The following SF3B4 variants were observed in gnomAD, a reference collection of about 807,000 sequenced individuals.
SF3B4 encodes the protein splicing factor 3b subunit 4.
In SF3B4, 3 loss-of-function variants were observed where a neutral mutation model predicts 34.3. The observed-to-expected ratio is 0.09, with a 90% CI of 0.04 to 0.23. The LOEUF (loss-of-function observed/expected upper bound fraction) is 0.23. SF3B4 is among the 10% of genes least tolerant of loss of function. The probability of loss-of-function intolerance (pLI) is 1.00; values close to 1 mark genes in which losing one functional copy is unlikely to be tolerated. For synonymous variants in SF3B4, 216 were observed against 207.8 expected, an observed-to-expected ratio of 1.04 and a Z score of -0.34; for missense variants, 283 against 567.2, an observed-to-expected ratio of 0.50 and a Z score of 5.09.
rs782636074 is a variant in SF3B4 at position 149,923,916 on chromosome 1, G to A, written c.1012C>T (p.Pro338Ser). Residue 338 changes from proline (P) to serine (S), a missense_variant, in exon 5 of 6, where the codon CCA (proline) becomes TCA (serine). Around this residue, in one of 4 missense-constraint regions of SF3B4, gnomAD observed 208 missense variants for 292.6 expected, o/e 0.71. Transcript: ENST00000271628. ...GSGGQPPPRPPPGMPHPGPPP... is the reference protein window; with the variant it reads ...GSGGQPPPRPSPGMPHPGPPP... ...GGTCCAGGATGAGGCATTCCAGGTGGTGGTCGGGGCGGTGGCTGGCCCCCA... is the reference window on the plus strand; with the variant it reads ...GGTCCAGGATGAGGCATTCCAGGTGATGGTCGGGGCGGTGGCTGGCCCCCA... 1.4e-5 allele frequency: 23 copies of A among 1,604,220 alleles called. No homozygotes were observed. In the South Asian group the frequency reaches 2.6e-4, roughly 18 times the overall value.
Position 149,926,728 on chromosome 1 carries a change from A to G in SF3B4, c.354T>C (p.Asp118=). 1 of 1,614,210 alleles carries G rather than the reference A, an allele frequency of 6.2e-7. No individual in the cohort carries two copies. Residue 118 remains aspartate, a synonymous_variant, in exon 3 of 6, where the codon GAT becomes GAC. Transcript: ENST00000271628. This position sits in a 1 kb window ranked among gnomAD's most constrained non-coding sequence, Gnocchi z 6.2. ...AGATGACCCCAAAGGCGCTGAAAGT[A>G]TCATAAAGCAACTTCTCATCAATCT... ...DPEIDEKLLY[D]TFSAFGVILQ... is the part of the protein sequence containing the mutation.
At chr1:149,924,461 G>A (rs1212576524) in intron 4 of SF3B4, among the ~76,000 whole-genome samples, 3 of 151,940 alleles carry the variant, frequency 2.0e-5, no homozygotes, top group East Asian at 3.9e-4. Context: ...AAAAAAAGAA[G>A]GGTGGTAAAA....
chr1:149,927,068 A>G (rs1372611572), intron 2 of SF3B4, 98 bp downstream of exon 2: 3 of 1,527,858 alleles, frequency 2.0e-6, no homozygotes, highest in Non-Finnish European at 2.6e-6. Flanking sequence ...AGAGAGGCTT[A>G]AAAGAAAAAA....
intron 1 of SF3B4, 69 bp from the exon 2 acceptor site, chr1:149,927,363 G>C: frequency 6.3e-7 from 1 of 1,585,682 alleles, no homozygotes; most frequent in Non-Finnish European, 8.6e-7. Context: ...ATGGAAACAT[G>C]AAGATGGAAC....
chr1:149,926,863 G>T lies in SF3B4; in HGVS notation c.219C>A (p.Ile73=), dbSNP rs782544906. The part of the protein sequence containing the change: ...SEEDADYAIK[I]MNMIKLYGKP... ...TCCCATAGAGTTTGATCATGTTCAT[G>T]ATCTTAATGGCATAGTCAGCATCTT... is the stretch of plus-strand genomic sequence containing the variant. The change falls in exon 3 of 6, where the codon ATC becomes ATA. Residue 73 remains isoleucine (I), a synonymous_variant. Transcript: ENST00000271628. This position sits in a 1 kb window ranked among gnomAD's most constrained non-coding sequence, Gnocchi z 6.2. The T allele has an allele frequency of 8.1e-6, 13 of 1,613,746 alleles. No individual in the cohort carries two copies. The highest frequency in any genetic ancestry group is 1.0e-5 in the Non-Finnish European group (12 of 1,179,974).
Position 149,926,320 on chromosome 1 carries a change from C to T in SF3B4, c.706+56G>A. 6.8e-7 allele frequency: 1 copy of T among 1,477,278 alleles called. No individual in the cohort carries two copies. Among genetic ancestry groups the T allele is most frequent in the Non-Finnish European group, 9.2e-7 (1 of 1,090,380 alleles). The allele number at this position is 1,477,278 out of a possible 1,614,324, so 91.5% of individuals were successfully genotyped here. A position where few individuals can be genotyped will look rare whatever the true frequency, so the allele number is the denominator to read the frequency against. On this transcript the variant is annotated intron_variant, in intron 3 of 5. Coordinates refer to ENST00000271628, the MANE Select transcript of SF3B4 (RefSeq NM_005850.5). The surrounding 1 kb of genome is among the most constrained non-coding windows in gnomAD (Gnocchi z 6.2). ...CCCCTTTCAGACTTGTTTTCTTCTT[C>T]CTCCTGACCCTCTCCCCCAACCTTA...
Position 149,923,559 on chromosome 1 carries a change from C to G in SF3B4, c.1258G>C (p.Gly420Arg). The change falls in exon 6 of 6, where the codon GGC becomes CGC. Residue 420 changes from glycine to arginine, a missense_variant. Transcript: ENST00000271628. ...PPVPPRGPLR[G>R]PLPQ is the part of the protein sequence containing the mutation. ...ATGTGAATTTACTGAGGGAGAGGGC[C>G]TCGAAGTGGGCCTCGAGGGGGAACT... 6.4e-7 allele frequency: 1 copy of G among 1,567,106 alleles called. No individual in the cohort carries two copies. The highest frequency in any genetic ancestry group is 8.6e-7 in the Non-Finnish European group (1 of 1,165,056).
chr1:149,925,586 G>A, intron 4 of SF3B4: 2 of 501,120 alleles, frequency 4.0e-6, no homozygotes, highest in East Asian at 7.5e-5. Flanking sequence ...GGTGGAGTCA[G>A]AGAAGAGAAT....
intron 4 of SF3B4, 50 bp downstream of exon 4, chr1:149,925,786 G>A (rs1445753470): frequency 2.9e-6 from 4 of 1,400,378 alleles, no homozygotes; most frequent in Admixed American, 1.7e-5. Context: ...AGTGGTAACA[G>A]AGATGCTCTA....
intron 1 of SF3B4, 27 bp from the exon 2 acceptor site, chr1:149,927,321 A>T: frequency 5.6e-6 from 9 of 1,611,058 alleles, no homozygotes; most frequent in Non-Finnish European, 7.6e-6. Context: ...AAAAAGAGCA[A>T]GCGTGAGAGT....
intron 4 of SF3B4, 98 bp from the exon 5 acceptor site, chr1:149,924,112 T>A (rs782070654): frequency 6.7e-6 from 7 of 1,039,378 alleles, no homozygotes; most frequent in African/African-American, 5.0e-5. Flanking sequence ...GAAAGTGACA[T>A]CAGAAAGAGA....
chr1:149,925,906 T>C lies in SF3B4; in HGVS notation c.843A>G (p.Pro281=). Residue 281 remains proline, a synonymous_variant, in exon 4 of 6, where the codon CCA becomes CCG. Transcript: ENST00000271628. The stretch of plus-strand genomic sequence containing the variant: ...GTCCATGACCAGGATGTCCTGCCCC[T>C]GGGGTTCCTGCCGATGGGGGGCCAT... ...AGHGPPSAGT[P]GAGHPGHGHS... The C allele has an allele frequency of 6.3e-7, 1 of 1,594,490 alleles. No homozygotes were observed. Among genetic ancestry groups the C allele is most frequent in the Non-Finnish European group, 8.6e-7 (1 of 1,168,076 alleles).
intron 4 of SF3B4, among the ~76,000 whole-genome samples, chr1:149,924,384 C>T (rs2092575605): frequency 6.6e-6 from 1 of 152,016 alleles, no homozygotes; most frequent in African/African-American, 2.4e-5. Flanking sequence ...CTACAGTGAG[C>T]CAAAACTACG....
In SF3B4 at chr1:149,923,956, A is replaced by C. The variant is rs782421668; in HGVS notation, c.972T>G (p.Ala324=). The C allele has an allele frequency of 1.1e-5, 17 of 1,584,310 alleles. No individual in the cohort carries two copies. The highest frequency in any genetic ancestry group is 1.5e-5 in the Non-Finnish European group (17 of 1,170,854). Residue 324 remains alanine, a synonymous_variant, in exon 5 of 6, where the codon GCT becomes GCG. Transcript: ENST00000271628. ...HGPHGLGHPH[A]GPPGSGGQPP... is the part of the protein sequence containing the mutation. ...GCTGGCCCCCAGAGCCTGGGGGTCC[A>C]GCGTGGGGATGTCCTAAGCCATGAG...
chr1:149,924,483 T>C (rs191373995), intron 4 of SF3B4, among the ~76,000 whole-genome samples: 301 of 152,198 alleles, frequency 2.0e-3, no homozygotes, highest in African/African-American at 6.9e-3. Flanking sequence ...GTGCTCCCTA[T>C]CCTTGACCCT....
chr1:149,925,842 G>A lies in SF3B4; in HGVS notation c.907C>T (p.His303Tyr). ...PHPFPPGGMPHPGMSQMQLAH... is the reference protein window; with the variant it reads ...PHPFPPGGMPYPGMSQMQLAH... Reference sequence around the variant, plus strand: ...CCCAACAAAGCACACCTACCTGGATGGGGCATCCCACCCGGTGGGAATGGG... The same window carrying A: ...CCCAACAAAGCACACCTACCTGGATAGGGCATCCCACCCGGTGGGAATGGG... The change falls in exon 4 of 6, where the codon CAT becomes TAT. Residue 303 changes from histidine (H) to tyrosine (Y), a missense_variant. Physicochemically the swap from His to Tyr is moderately conservative, Grantham distance 83. This residue lies in a region of SF3B4 where 208 missense variants were observed against 292.6 expected (regional missense o/e 0.71). Coordinates refer to ENST00000271628, the MANE Select transcript of SF3B4 (RefSeq NM_005850.5). 6.2e-7 allele frequency: 1 copy of A among 1,613,290 alleles called. No homozygotes were observed. The highest frequency in any genetic ancestry group is 8.5e-7 in the Non-Finnish European group (1 of 1,179,268).
At chr1:149,927,596 C>A (rs1467907552) in intron 1 of SF3B4, 130 bp downstream of exon 1, 50 of 1,248,084 alleles carry the variant, frequency 4.0e-5, no homozygotes, top group Non-Finnish European at 5.2e-5. Context: ...CCCCAACAGG[C>A]AGAGGGCCGG....
In SF3B4 at chr1:149,926,922, G is replaced by A. The variant is rs374592775; in HGVS notation, c.164-4C>T. The A allele has an allele frequency of 1.9e-5, 30 of 1,593,238 alleles. No homozygotes were observed. The highest frequency in any genetic ancestry group is 2.3e-5 in the Non-Finnish European group (27 of 1,170,218). On this transcript the variant is annotated splice_region_variant and splice_polypyrimidine_tract_variant and intron_variant, in intron 2 of 5. Coordinates refer to ENST00000271628, the MANE Select transcript of SF3B4 (RefSeq NM_005850.5). This position sits in a 1 kb window ranked among gnomAD's most constrained non-coding sequence, Gnocchi z 6.2. ...AAGAATTCCACAAAGCCATAGCCTG[G>A]AAAAGTGGAGAAGAGGAGGTTAACA...
chr1:149,926,268 C>A lies in SF3B4; in HGVS notation c.706+108G>T. On this transcript the variant is annotated intron_variant, in intron 3 of 5. Coordinates refer to ENST00000271628, the MANE Select transcript of SF3B4 (RefSeq NM_005850.5). The surrounding 1 kb of genome is among the most constrained non-coding windows in gnomAD (Gnocchi z 6.2). ...CATCACCCCTCAGTCCTCTTCCCAT[C>A]AACTCACTGACTCAATGTCCCCTGT... 1 of 1,014,100 alleles carries A rather than the reference C, an allele frequency of 9.9e-7. No homozygotes were observed. Among genetic ancestry groups the A allele is most frequent in the South Asian group, 1.7e-5 (1 of 60,378 alleles). 62.8% of individuals were successfully genotyped at this position (1,014,100 alleles called of 1,614,324 possible). A position where few individuals can be genotyped will look rare whatever the true frequency, so the allele number is the denominator to read the frequency against.
Sources: gnomAD v4.1 joint callset for allele counts (sites outside exome capture counted in the v4.1 genomes callset) on GRCh38, gnomAD v4.1.1 for gene constraint, gnomAD v4.1.1 regional missense constraint, Gnocchi (gnomAD v3.1) non-coding constraint, MANE v1.5 for transcripts, NCBI Gene and HGNC (gene_info 2026-07-23, HGNC 2026-07-21) for gene names.